Variants in EML6 observed in about 807,000 individuals in gnomAD.
EML6 encodes EMAP like 6.
A neutral mutation model predicts 240.1 loss-of-function variants in EML6; 154 were observed. That is an observed-to-expected ratio of 0.64 (90% CI 0.56 to 0.73). The LOEUF (loss-of-function observed/expected upper bound fraction) is 0.73, where lower values mean the gene tolerates loss of function less well. Among genes scored for constraint, EML6 ranks in the 30% least tolerant of loss-of-function variants. The pLI, the probability that EML6 is intolerant of heterozygous loss-of-function variation, is 0.00. For missense variants in EML6, 2,964 were observed against 2,474.6 expected, an observed-to-expected ratio of 1.20 and a Z score of -4.20; for synonymous variants, 1,148 against 899.0, an observed-to-expected ratio of 1.28 and a Z score of -4.95.
At chr2:54,892,714 G>C in intron 19 of EML6, 58 bp downstream of exon 19, 1 of 1,376,338 alleles carries the variant, frequency 7.3e-7, no homozygotes, top group Non-Finnish European at 9.9e-7. Flanking sequence ...TTATAAGGTA[G>C]TCTTAGGATG....
chr2:54,847,142 A>C (rs1246238327), intron 8 of EML6, among the ~76,000 whole-genome samples: 1 of 152,010 alleles, frequency 6.6e-6, no homozygotes, highest in African/African-American at 2.4e-5. Context: ...TCCTGGGCTC[A>C]AGTGTTCCTC....
intron 11 of EML6, 74 bp from the exon 12 acceptor site, chr2:54,859,460 C>T: frequency 4.3e-6 from 5 of 1,158,590 alleles, no homozygotes; most frequent in Non-Finnish European, 6.1e-6. Context: ...TCAACATGAA[C>T]AGAAGGGGGG....
chr2:54,834,668 C>T (rs900326510), intron 7 of EML6, among the ~76,000 whole-genome samples: 5 of 152,140 alleles, frequency 3.3e-5, no homozygotes, highest in Admixed American at 2.0e-4. Flanking sequence ...TGAGTTGTTG[C>T]TGTGTCTAAT....
In EML6 at chr2:54,725,676, G is replaced by A. The variant is rs1367512678; in HGVS notation, c.197+418G>A. 6.6e-6 allele frequency among the ~76,000 whole-genome samples: 1 copy of A among 152,084 alleles called. No homozygotes were observed. The highest frequency in any genetic ancestry group is 1.5e-5 in the Non-Finnish European group (1 of 68,022). On this transcript the variant is annotated intron_variant, in intron 2 of 41. Transcript: ENST00000356458. The surrounding 1 kb of genome is among the most constrained non-coding windows in gnomAD (Gnocchi z 4.3). ...TCAGTGGGTTTCTCAGTAAGCAAGA[G>A]GATTAAAAAAGATCTAAAAGAAATT...
At chr2:54,756,780 G>A (rs1667750458) in intron 2 of EML6, among the ~76,000 whole-genome samples, 1 of 151,834 alleles carries the variant, frequency 6.6e-6, no homozygotes, top group African/African-American at 2.4e-5. Flanking sequence ...ATGTGGCTTT[G>A]TTTGGGTCTT....
intron 24 of EML6, among the ~76,000 whole-genome samples, chr2:54,905,577 G>T (rs941402400): frequency 6.6e-6 from 1 of 152,102 alleles, no homozygotes; most frequent in Non-Finnish European, 1.5e-5. Context: ...CATTTTTTAA[G>T]TGTACAGTTC....
intron 15 of EML6, among the ~76,000 whole-genome samples, chr2:54,871,152 C>T (rs7583667): frequency 0.04 from 6,129 of 152,166 alleles, 422 homozygotes; most frequent in African/African-American, 0.14. Flanking sequence ...AGTGACTTCC[C>T]TGACTGAGAA....
At chr2:54,793,175 G>T (rs1487974231) in intron 2 of EML6, among the ~76,000 whole-genome samples, 2 of 152,138 alleles carry the variant, frequency 1.3e-5, no homozygotes, top group Admixed American at 6.5e-5. Context: ...GCTGAGGCAG[G>T]AGAATTGCTT....
At chr2:54,856,669 G>T (rs1478804005) in intron 11 of EML6, among the ~76,000 whole-genome samples, 1 of 152,198 alleles carries the variant, frequency 6.6e-6, no homozygotes, top group Non-Finnish European at 1.5e-5. Flanking sequence ...TGCATGAGGG[G>T]AAGAGTTGCG....
rs530221595 is a variant in EML6 at position 54,816,507 on chromosome 2, A to T, written c.358-280A>T. On this transcript the variant is annotated intron_variant, in intron 3 of 41. Coordinates refer to ENST00000356458, the MANE Select transcript of EML6 (RefSeq NM_001039753.4). Reference sequence around the variant, plus strand: ...ATCAAGTTCTGTTTCTGTAGTTTCTATTGACGTTTCAGAGATCTCCTGAGA... The same window carrying T: ...ATCAAGTTCTGTTTCTGTAGTTTCTTTTGACGTTTCAGAGATCTCCTGAGA... 3.3e-5 allele frequency among the ~76,000 whole-genome samples: 5 copies of T among 152,282 alleles called. 1 individual carries two copies. The East Asian group carries it at 9.6e-4, about 29-fold the overall frequency.
chr2:54,805,043 A>G (rs1558564093), intron 2 of EML6, among the ~76,000 whole-genome samples: 1 of 152,136 alleles, frequency 6.6e-6, no homozygotes, highest in Non-Finnish European at 1.5e-5. Context: ...GGCTCCTAAC[A>G]TATGTTGAAG....
At chr2:54,820,348 A>C in intron 4 of EML6, 46 bp from the exon 5 acceptor site, 1 of 1,380,262 alleles carries the variant, frequency 7.2e-7, no homozygotes, top group Non-Finnish European at 1.0e-6. Context: ...GAAAAGGCAA[A>C]AATATACCAA....
chr2:54,827,795 A>C, intron 6 of EML6, 44 bp downstream of exon 6: 3 of 1,392,594 alleles, frequency 2.2e-6, no homozygotes, highest in Non-Finnish European at 2.0e-6. Context: ...CTACCAAATA[A>C]GGTAAGACCA....
At chr2:54,887,289 G>A (rs1398271302) in intron 17 of EML6, among the ~76,000 whole-genome samples, 3 of 152,232 alleles carry the variant, frequency 2.0e-5, no homozygotes, top group South Asian at 2.1e-4. Context: ...GTTCAAAGTG[G>A]CAATTTTCTA....
At position 54,897,522 on chromosome 2, in the gene EML6, C is replaced by G. The variant is rs962996997; in HGVS notation, c.2983-2119C>G. On this transcript the variant is annotated intron_variant, in intron 21 of 41. Transcript: ENST00000356458. ...GCTAAGAACTGCAGAGCTGGGATTC[C>G]AACCAAGGTTTGCCAGAGCCCTTGT... Among the ~76,000 whole-genome samples the G allele has an allele frequency of 2.0e-5, 3 of 152,270 alleles. No individual in the cohort carries two copies. The South Asian group carries it at 6.2e-4, about 32-fold the overall frequency.
At chr2:54,952,547 G>C (rs1280513072) in intron 30 of EML6, 47 bp from the exon 31 acceptor site, 8 of 1,271,770 alleles carry the variant, frequency 6.3e-6, no homozygotes, top group Non-Finnish European at 8.9e-6. Flanking sequence ...TGCCCTAAAA[G>C]GTCTTTAGGT....
At chr2:54,762,467 G>A (rs1313341570) in intron 2 of EML6, among the ~76,000 whole-genome samples, 1 of 152,020 alleles carries the variant, frequency 6.6e-6, no homozygotes, top group Non-Finnish European at 1.5e-5. Flanking sequence ...TAATTTGAGT[G>A]GAAGTGCTTT....
At chr2:54,889,588 C>G (rs183260542) in intron 17 of EML6, among the ~76,000 whole-genome samples, 3 of 151,714 alleles carry the variant, frequency 2.0e-5, no homozygotes, top group Admixed American at 6.6e-5. Context: ...TATTTTTCAA[C>G]CAGTCACTGT....
chr2:54,864,829 G>A (rs1049812784), intron 13 of EML6, among the ~76,000 whole-genome samples: 2 of 152,126 alleles, frequency 1.3e-5, no homozygotes, highest in African/African-American at 4.8e-5. Flanking sequence ...GCATTAAATT[G>A]GAATATTTTT....
Sources: gnomAD v4.1 joint callset for allele counts (sites outside exome capture counted in the v4.1 genomes callset) on GRCh38, gnomAD v4.1.1 for gene constraint, Gnocchi (gnomAD v3.1) non-coding constraint, MANE v1.5 for transcripts, NCBI Gene and HGNC (gene_info 2026-07-23, HGNC 2026-07-21) for gene names.